Variants in DCC observed in about 807,000 individuals in gnomAD.
DCC encodes the protein DCC netrin 1 receptor.
In DCC, 58 loss-of-function variants were observed where a neutral mutation model predicts 172.5. That is an observed-to-expected ratio of 0.34 (90% CI 0.27 to 0.42). The LOEUF (loss-of-function observed/expected upper bound fraction) is 0.42, where lower values mean the gene tolerates loss of function less well. Among genes scored for constraint, DCC ranks in the 10% least tolerant of loss-of-function variants. The pLI is 1.00. For missense variants in DCC, 1,740 were observed against 1,791.0 expected (o/e 0.97, Z 0.51); for synonymous variants, 709 against 644.5 (o/e 1.10, Z -1.52).
At chr18:53,380,448 A>G (rs963924868) in intron 15 of DCC, among the ~76,000 whole-genome samples, 11 of 152,180 alleles carry the variant, frequency 7.2e-5, no homozygotes, top group Non-Finnish European at 1.2e-4. Context: ...TAAATGTACA[A>G]TATTTTCTTG....
chr18:52,490,398 A>G (rs2030440313), intron 1 of DCC, among the ~76,000 whole-genome samples: 1 of 152,090 alleles, frequency 6.6e-6, no homozygotes, highest in South Asian at 2.1e-4. Flanking sequence ...CAGCTTATGA[A>G]TATAACCTTA....
At chr18:53,067,850 G>T (rs2042595715) in intron 7 of DCC, among the ~76,000 whole-genome samples, 1 of 152,158 alleles carries the variant, frequency 6.6e-6, no homozygotes, top group African/African-American at 2.4e-5. Flanking sequence ...AGTAGGAAAA[G>T]CATATAAGAC....
At chr18:52,437,188 G>C (rs554913150) in intron 1 of DCC, among the ~76,000 whole-genome samples, 1 of 152,206 alleles carries the variant, frequency 6.6e-6, no homozygotes, top group Admixed American at 6.5e-5. Context: ...CATTAAGATG[G>C]CAAATTGCCA....
At chr18:52,875,641 G>T (rs1335374600) in intron 2 of DCC, among the ~76,000 whole-genome samples, 3 of 152,184 alleles carry the variant, frequency 2.0e-5, no homozygotes, top group African/African-American at 7.2e-5. Flanking sequence ...TTTGCAATTA[G>T]TAGTAAAGAA....
At chr18:53,361,692 A>T (rs968802139) in intron 15 of DCC, among the ~76,000 whole-genome samples, 1 of 152,220 alleles carries the variant, frequency 6.6e-6, no homozygotes, top group Admixed American at 6.6e-5. Flanking sequence ...AATTCATCCT[A>T]TCTACCTTTT....
chr18:53,321,348 T>G (rs1014890990), intron 13 of DCC, among the ~76,000 whole-genome samples: 12 of 152,178 alleles, frequency 7.9e-5, no homozygotes, highest in Non-Finnish European at 1.6e-4. Flanking sequence ...TGAGCTACTT[T>G]CAGCTTTTTG....
At chr18:53,506,888 T>G (rs1598821874) in intron 27 of DCC, among the ~76,000 whole-genome samples, 1 of 149,270 alleles carries the variant, frequency 6.7e-6, no homozygotes, top group African/African-American at 2.5e-5. Flanking sequence ...AGGAGGAGTG[T>G]GGATCAGTGG....
chr18:52,884,741 G>T (rs1340306306), intron 2 of DCC, among the ~76,000 whole-genome samples: 1 of 152,120 alleles, frequency 6.6e-6, no homozygotes, highest in Non-Finnish European at 1.5e-5. Flanking sequence ...TTTCCTCGAT[G>T]GTCCTGATGA....
intron 12 of DCC, among the ~76,000 whole-genome samples, chr18:53,229,093 T>A (rs956708018): frequency 2.6e-5 from 4 of 152,248 alleles, no homozygotes; most frequent in Admixed American, 1.3e-4. Flanking sequence ...GTTTTCAAAT[T>A]GTAGTCCAAA....
intron 5 of DCC, among the ~76,000 whole-genome samples, chr18:53,007,313 C>T (rs1009266618): frequency 1.1e-4 from 16 of 152,024 alleles, no homozygotes; most frequent in African/African-American, 2.2e-4. Flanking sequence ...TAGGTTTAGA[C>T]GTGAATGTCA....
chr18:52,886,443 G>C (rs2039570205), intron 2 of DCC, among the ~76,000 whole-genome samples: 1 of 152,130 alleles, frequency 6.6e-6, no homozygotes, highest in Non-Finnish European at 1.5e-5. Context: ...TGACAGGGCA[G>C]CACTGAGTTC....
chr18:52,861,704 G>A (rs188666794), intron 2 of DCC, among the ~76,000 whole-genome samples: 68 of 152,212 alleles, frequency 4.5e-4, no homozygotes, highest in Non-Finnish European at 5.4e-4. Context: ...TCAGGACCAC[G>A]TAATTAACTT....
At chr18:52,548,559 G>A (rs2032678196) in intron 1 of DCC, among the ~76,000 whole-genome samples, 1 of 152,092 alleles carries the variant, frequency 6.6e-6, no homozygotes, top group Non-Finnish European at 1.5e-5. Flanking sequence ...TGCTAAGCTA[G>A]CCATTGTTTC....
chr18:52,920,714 A>G (rs2040110741), intron 3 of DCC, among the ~76,000 whole-genome samples: 1 of 152,180 alleles, frequency 6.6e-6, no homozygotes, highest in Non-Finnish European at 1.5e-5. Flanking sequence ...TGTCCTGATA[A>G]AAATGTATGC....
chr18:52,619,883 C>G (rs2034449198), intron 1 of DCC, among the ~76,000 whole-genome samples: 2 of 152,168 alleles, frequency 1.3e-5, no homozygotes, highest in Non-Finnish European at 2.9e-5. Flanking sequence ...GCAACCACCT[C>G]TCAGTGATAA....
At chr18:53,121,061 A>C (rs2043476553) in intron 7 of DCC, among the ~76,000 whole-genome samples, 1 of 151,914 alleles carries the variant, frequency 6.6e-6, no homozygotes, top group African/African-American at 2.4e-5. Context: ...TTCATTAAAT[A>C]TGTAGATTGC....
intron 1 of DCC, among the ~76,000 whole-genome samples, chr18:52,662,099 C>T (rs1291148329): frequency 1.3e-5 from 2 of 152,162 alleles, no homozygotes; most frequent in South Asian, 2.1e-4. Context: ...CTCTAAATTT[C>T]CTTGCATCAG....
intron 5 of DCC, among the ~76,000 whole-genome samples, chr18:52,951,016 TCAG>T (rs1239080377): frequency 2.9e-5 from 4 of 140,278 alleles, no homozygotes; most frequent in African/African-American, 1.1e-4. Flanking sequence ...AAATGGATAA[TCAG>T]CATTTTCTCC....
intron 1 of DCC, among the ~76,000 whole-genome samples, chr18:52,346,143 T>C (rs568565140): frequency 6.6e-6 from 1 of 152,290 alleles, no homozygotes; most frequent in Admixed American, 6.5e-5. Flanking sequence ...GTTAAACTTG[T>C]CAAGAAGAAA....
Sources: gnomAD v4.1 joint callset for allele counts (sites outside exome capture counted in the v4.1 genomes callset) on GRCh38, gnomAD v4.1.1 for gene constraint, MANE v1.5 for transcripts, NCBI Gene and HGNC (gene_info 2026-07-23, HGNC 2026-07-21) for gene names.